Variants in USP28 observed in about 807,000 individuals in gnomAD.
The protein encoded by USP28 is ubiquitin specific peptidase 28, also known as ubiquitin carboxyl-terminal hydrolase 28.
USP28 carries 113 observed loss-of-function variants against 145.0 expected under a neutral mutation model. That is an observed-to-expected ratio of 0.78 (90% CI 0.67 to 0.91). USP28 has a LOEUF of 0.91. USP28 is among the 40% of genes least tolerant of loss of function. The probability of loss-of-function intolerance (pLI) is 0.00; values close to 1 mark genes in which losing one functional copy is unlikely to be tolerated. For missense variants in USP28, 1,201 were observed against 1,289.6 expected (o/e 0.93, Z 1.05); for synonymous variants, 447 against 450.9 (o/e 0.99, Z 0.11).
At chr11:113,812,052 C>A (rs1941068063) in intron 16 of USP28, among the ~76,000 whole-genome samples, 1 of 152,122 alleles carries the variant, frequency 6.6e-6, no homozygotes, top group African/African-American at 2.4e-5. Flanking sequence ...ACATAAGAAA[C>A]CTAACATTGT....
intron 1 of USP28, among the ~76,000 whole-genome samples, chr11:113,864,303 GGT>G (rs1565504457): frequency 2.0e-5 from 3 of 152,154 alleles, no homozygotes; most frequent in Non-Finnish European, 2.9e-5. Context: ...AAAACATCCA[GGT>G]TCATGAACTG....
intron 3 of USP28, among the ~76,000 whole-genome samples, chr11:113,849,353 T>C (rs1355528651): frequency 6.6e-6 from 1 of 152,228 alleles, no homozygotes; most frequent in Non-Finnish European, 1.5e-5. Context: ...ACATCCTATT[T>C]GGAAGGAAGG....
At chr11:113,814,164 CATT>C (rs1941384104) in intron 14 of USP28, among the ~76,000 whole-genome samples, 1 of 152,120 alleles carries the variant, frequency 6.6e-6, no homozygotes, top group Admixed American at 6.6e-5. Flanking sequence ...GGTTTTAAAA[CATT>C]ATTTTTTATA....
At chr11:113,815,141 A>G (rs1941534076) in intron 14 of USP28, 33 bp downstream of exon 14, 2 of 1,596,800 alleles carry the variant, frequency 1.3e-6, no homozygotes, top group Non-Finnish European at 1.7e-6. Flanking sequence ...CAGAAAAAGC[A>G]AAGAGTAACT....
At chr11:113,806,916 T>C (rs1591492109) in intron 18 of USP28, among the ~76,000 whole-genome samples, 1 of 152,200 alleles carries the variant, frequency 6.6e-6, no homozygotes, top group East Asian at 1.9e-4. Flanking sequence ...AGAGGGGAAG[T>C]GTCTAAGGTC....
At chr11:113,802,834 T>C (rs1224765770) in intron 23 of USP28, among the ~76,000 whole-genome samples, 1 of 152,034 alleles carries the variant, frequency 6.6e-6, no homozygotes, top group Non-Finnish European at 1.5e-5. Context: ...AATGGCTGAG[T>C]GAGAAAAGGA....
chr11:113,868,258 T>TC (rs1383416625), intron 1 of USP28, among the ~76,000 whole-genome samples: 1 of 152,246 alleles, frequency 6.6e-6, no homozygotes, highest in Non-Finnish European at 1.5e-5. Flanking sequence ...ACTTGCCTGT[T>TC]CAACTAAACT....
intron 1 of USP28, among the ~76,000 whole-genome samples, chr11:113,865,116 G>C (rs1318016467): frequency 6.6e-6 from 1 of 152,134 alleles, no homozygotes; most frequent in Non-Finnish European, 1.5e-5. Flanking sequence ...AGTGATTACA[G>C]GCGTGAGGCA....
intron 23 of USP28, 126 bp from the exon 25 acceptor site, chr11:113,801,804 A>G (rs1479732507): frequency 5.8e-6 from 4 of 689,700 alleles, no homozygotes; most frequent in Non-Finnish European, 8.9e-6. Context: ...ATCTTTAAAA[A>G]CTACTGATGC....
At chr11:113,858,040 ATTTTT>A (rs774501652) in intron 1 of USP28, among the ~76,000 whole-genome samples, 1 of 151,754 alleles carries the variant, frequency 6.6e-6, no homozygotes, top group Non-Finnish European at 1.5e-5. Flanking sequence ...TAGTTTTCCT[ATTTTT>A]AGTAGACATG....
chr11:113,824,108 GA>G (rs1377578123), intron 11 of USP28, among the ~76,000 whole-genome samples: 6 of 151,150 alleles, frequency 4.0e-5, no homozygotes, highest in South Asian at 4.2e-4. Context: ...TTTAAAAAAA[GA>G]AAAAAAATCA....
intron 10 of USP28, 111 bp downstream of exon 10, chr11:113,829,086 C>G: frequency 7.0e-7 from 1 of 1,430,802 alleles, no homozygotes; most frequent in South Asian, 1.3e-5. Context: ...AATTCAAGTT[C>G]TGCTAAGTGT....
intron 15 of USP28, among the ~76,000 whole-genome samples, chr11:113,812,996 AC>A (rs1267635710): frequency 2.0e-5 from 3 of 152,164 alleles, no homozygotes; most frequent in Non-Finnish European, 2.9e-5. Context: ...TGGAGTGAAG[AC>A]CCTTTTAATG....
At chr11:113,818,029 A>G (rs1161551147) in intron 12 of USP28, 192 bp from the exon 13 acceptor site, 1 of 483,410 alleles carries the variant, frequency 2.1e-6, no homozygotes, top group African/African-American at 2.0e-5. Context: ...AATTGCCAAC[A>G]ATCTGAAGTT....
At chr11:113,824,173 G>A (rs765039696) in intron 11 of USP28, among the ~76,000 whole-genome samples, 57 of 152,088 alleles carry the variant, frequency 3.7e-4, no homozygotes, top group Non-Finnish European at 6.2e-4. Flanking sequence ...TTAAAAGCAG[G>A]AATTAGAGAT....
chr11:113,847,159 AATAG>A (rs1029624628), intron 3 of USP28, among the ~76,000 whole-genome samples: 1 of 152,168 alleles, frequency 6.6e-6, no homozygotes, highest in African/African-American at 2.4e-5. Flanking sequence ...GAAACTTCAT[AATAG>A]ATAAATTAAC....
At chr11:113,808,412 C>G (rs368028613) in exon 18 of USP28, 1 of 1,613,900 alleles carries the variant, frequency 6.2e-7, no homozygotes, top group African/African-American at 1.3e-5. Context: ...AGCAGCGAAC[C>G]CCATGAGAAG....
At chr11:113,827,133 T>TC in intron 11 of USP28, 100 bp downstream of exon 11, 1 of 1,404,048 alleles carries the variant, frequency 7.1e-7, no homozygotes, top group Non-Finnish European at 9.5e-7. Flanking sequence ...TTGCATATTA[T>TC]CATGTCTCCC....
chr11:113,814,193 T>A (rs1192984097), intron 14 of USP28, among the ~76,000 whole-genome samples: 2 of 152,214 alleles, frequency 1.3e-5, no homozygotes, highest in Non-Finnish European at 2.9e-5. Flanking sequence ...CAAAATTTCT[T>A]AAAGAGTAAG....
Sources: gnomAD v4.1 joint callset for allele counts (sites outside exome capture counted in the v4.1 genomes callset) on GRCh38, gnomAD v4.1.1 for gene constraint, MANE v1.5 for transcripts, NCBI Gene and HGNC (gene_info 2026-07-23, HGNC 2026-07-21) for gene names.